Variants in PRDM11 observed in about 807,000 individuals in gnomAD.
PRDM11 encodes the protein PR domain-containing protein 11.
Under a neutral mutation model 97.8 loss-of-function variants are expected in PRDM11, and 20 were observed. The observed-to-expected ratio is 0.20, with a 90% confidence interval of 0.14 to 0.30. PRDM11 has a LOEUF of 0.30. Ranked by LOEUF, PRDM11 falls within the 10% of genes least tolerant of loss-of-function variation. The probability of loss-of-function intolerance (pLI) is 1.00; values close to 1 mark genes in which losing one functional copy is unlikely to be tolerated. For synonymous variants in PRDM11, 599 were observed against 637.7 expected, an observed-to-expected ratio of 0.94 and a Z score of 0.91; for missense variants, 1,139 against 1,555.2, an observed-to-expected ratio of 0.73 and a Z score of 4.50.
chr11:45,176,785 T>C (rs1440011566), intron 1 of PRDM11, among the ~76,000 whole-genome samples: 1 of 152,258 alleles, frequency 6.6e-6, no homozygotes, highest in Non-Finnish European at 1.5e-5. Context: ...GCTGAGAATA[T>C]AAATTCAATA....
upstream of PRDM11, among the ~76,000 whole-genome samples, chr11:45,095,519 A>G (rs1278275272): frequency 3.3e-5 from 5 of 152,188 alleles, no homozygotes; most frequent in Admixed American, 3.3e-4. Context: ...GCCGTCTCTC[A>G]TCATCTATTC....
At chr11:45,200,242 G>A (rs944753214) in intron 4 of PRDM11, among the ~76,000 whole-genome samples, 3 of 152,142 alleles carry the variant, frequency 2.0e-5, no homozygotes, top group Non-Finnish European at 4.4e-5. Context: ...GGTCTCAGGC[G>A]GTTCCTATGT....
chr11:45,095,422 G>A (rs1019978271), upstream of PRDM11, among the ~76,000 whole-genome samples: 2 of 152,212 alleles, frequency 1.3e-5, no homozygotes, highest in Non-Finnish European at 2.9e-5. Flanking sequence ...TTGGGGACAG[G>A]AGATGGGAAA....
In PRDM11 at chr11:45,182,305, G is replaced by A. The variant is rs1482903630; in HGVS notation, c.179G>A (p.Arg60His). 6.2e-6 allele frequency: 10 copies of A among 1,614,042 alleles called. No individual in the cohort carries two copies. Among genetic ancestry groups the A allele is most frequent in the South Asian group, 1.1e-5 (1 of 91,080 alleles). ...EVEPKKLKGK[R>H]DLIVPKSFQQ... is the part of the protein sequence containing the mutation. The stretch of plus-strand genomic sequence containing the variant: ...GAGCCCAAGAAACTGAAGGGGAAGC[G>A]CGACCTCATCGTGCCCAAAAGCTTC... Residue 60 changes from arginine (R) to histidine (H), a missense_variant, in exon 3 of 8, where the codon CGC becomes CAC. By Grantham distance (29) the Arg-to-His change is conservative. Transcript: ENST00000683152.
At chr11:45,109,522 C>A (rs1048647777) in intron 1 of PRDM11, among the ~76,000 whole-genome samples, 1 of 152,162 alleles carries the variant, frequency 6.6e-6, no homozygotes, top group African/African-American at 2.4e-5. Flanking sequence ...AAGGAGACCA[C>A]TCGGAGGAGC....
chr11:45,118,994 A>T (rs901863599), intron 1 of PRDM11, among the ~76,000 whole-genome samples: 2 of 152,144 alleles, frequency 1.3e-5, no homozygotes, highest in Non-Finnish European at 2.9e-5. Flanking sequence ...CCACTGAGGG[A>T]GAGAAAAATT....
intron 1 of PRDM11, among the ~76,000 whole-genome samples, chr11:45,136,989 CAAA>C (rs759854361): frequency 1.8e-5 from 2 of 110,060 alleles, no homozygotes; most frequent in African/African-American, 3.0e-5. Context: ...ACTAAAAATA[CAAA>C]AAAAAAAAAA....
chr11:45,208,961 T>C (rs1305704566), intron 5 of PRDM11: 2 of 456,736 alleles, frequency 4.4e-6, no homozygotes, highest in Non-Finnish European at 8.8e-6. Flanking sequence ...TGACCCACCA[T>C]GAAGCAGTGC....
intron 1 of PRDM11, among the ~76,000 whole-genome samples, chr11:45,106,908 T>C (rs1852071833): frequency 6.6e-6 from 1 of 152,194 alleles, no homozygotes; most frequent in Non-Finnish European, 1.5e-5. Context: ...GGAGTTGGGC[T>C]CAGATTGAGC....
chr11:45,200,845 A>C (rs1311080206), intron 4 of PRDM11, among the ~76,000 whole-genome samples: 1 of 152,218 alleles, frequency 6.6e-6, no homozygotes, highest in Admixed American at 6.5e-5. Flanking sequence ...GTACAGTCTT[A>C]TAGACAAATT....
intron 5 of PRDM11, chr11:45,213,495 G>A (rs891433695): frequency 2.2e-6 from 1 of 456,266 alleles, no homozygotes; most frequent in African/African-American, 2.0e-5. Flanking sequence ...CGGTCCTTCA[G>A]GGAGGGGTCT....
intron 1 of PRDM11, among the ~76,000 whole-genome samples, chr11:45,106,675 C>T (rs76953221): frequency 0.031 from 4,715 of 152,190 alleles, 114 homozygotes; most frequent in Non-Finnish European, 0.051. Context: ...GGTCTGAGGC[C>T]GACACGGGCT....
chr11:45,137,164 A>AAAACAAACAAAC (rs374207641), intron 1 of PRDM11, among the ~76,000 whole-genome samples: 3,312 of 148,200 alleles, frequency 0.022, 126 homozygotes, highest in African/African-American at 0.079. Context: ...CTCTGTCTCA[A>AAAACAAACAAAC]AAACAAACAA....
chr11:45,166,332 A>G (rs766740725), intron 1 of PRDM11, among the ~76,000 whole-genome samples: 3 of 152,136 alleles, frequency 2.0e-5, no homozygotes, highest in African/African-American at 7.2e-5. Flanking sequence ...CCTTTCAGCA[A>G]TCCCTGCAAT....
intron 1 of PRDM11, among the ~76,000 whole-genome samples, chr11:45,153,603 A>G (rs995429077): frequency 2.0e-5 from 3 of 152,216 alleles, no homozygotes; most frequent in South Asian, 2.1e-4. Context: ...ATACAAGACA[A>G]TGAGCATATC....
chr11:45,179,310 T>A (rs756120461), intron 1 of PRDM11, among the ~76,000 whole-genome samples: 3 of 152,204 alleles, frequency 2.0e-5, no homozygotes, highest in Admixed American at 6.5e-5. Flanking sequence ...CTGATCAGCA[T>A]TCTTTAGTGG....
intron 5 of PRDM11, chr11:45,213,489 C>T (rs534078724): frequency 2.2e-6 from 1 of 456,328 alleles, no homozygotes; most frequent in South Asian, 1.5e-5. Context: ...TCAAGTCGGT[C>T]CTTCAGGGAG....
intron 1 of PRDM11, among the ~76,000 whole-genome samples, chr11:45,180,930 C>A (rs907932834): frequency 1.3e-5 from 2 of 152,090 alleles, no homozygotes; most frequent in African/African-American, 4.8e-5. Context: ...TCCCAGTCGC[C>A]GCCGCCGGCT....
chr11:45,187,353 G>A (rs907668627), intron 4 of PRDM11, among the ~76,000 whole-genome samples: 5 of 152,200 alleles, frequency 3.3e-5, no homozygotes, highest in Non-Finnish European at 7.3e-5. Context: ...CTAAGACTGT[G>A]CCCAAGGAAT....
Sources: allele counts gnomAD v4.1 joint callset (sites outside exome capture counted in the v4.1 genomes callset), GRCh38; gene constraint gnomAD v4.1.1; transcripts MANE v1.5; gene names NCBI Gene and HGNC (gene_info 2026-07-23, HGNC 2026-07-21).